Variants in GSTZ1 observed in about 807,000 individuals in gnomAD.
GSTZ1 encodes maleylacetoacetate isomerase.
GSTZ1 carries 34 observed loss-of-function variants against 35.9 expected under a neutral mutation model. The observed-to-expected ratio is 0.95, with a 90% CI of 0.72 to 1.26. The LOEUF is 1.26. GSTZ1 is among the 50% of genes most tolerant of loss of function. The pLI is 0.00. For synonymous variants in GSTZ1, 93 were observed against 101.2 expected (o/e 0.92, Z 0.49); for missense variants, 263 against 271.7 (o/e 0.97, Z 0.23).
intron 1 of GSTZ1, chr14:77,321,546 T>C: frequency 2.3e-6 from 3 of 1,277,322 alleles, no homozygotes; most frequent in African/African-American, 3.1e-5. Context: ...CATGCTCTTC[T>C]CTTGGCCCTA....
intron 2 of GSTZ1, chr14:77,325,150 G>C: frequency 1.8e-6 from 1 of 553,962 alleles, no homozygotes; most frequent in Non-Finnish European, 3.3e-6. Flanking sequence ...CCTTGGGACT[G>C]ACACTTCTCC....
intron 6 of GSTZ1, chr14:77,329,511 G>A (rs555501230): frequency 9.8e-5 from 58 of 594,518 alleles, no homozygotes; most frequent in Middle Eastern, 8.9e-4. Context: ...AGCTGTCACC[G>A]TGGCCAGTGG....
At position 77,329,739 on chromosome 14, in the gene GSTZ1, T is replaced by C; in HGVS notation, c.422-16T>C. 6.2e-7 allele frequency: 1 copy of C among 1,609,212 alleles called. No homozygotes were observed. The highest frequency in any genetic ancestry group is 8.5e-7 in the Non-Finnish European group (1 of 1,175,558). ...CCCTGCGCCCAGAATAAGATGTTTA[T>C]GTGGCCTCCCCACAGCCCTGGAGCA... is the stretch of plus-strand genomic sequence containing the variant. On this transcript the variant is annotated splice_polypyrimidine_tract_variant and intron_variant, in intron 6 of 8. Coordinates refer to ENST00000216465, the MANE Select transcript of GSTZ1 (RefSeq NM_145870.3).
chr14:77,324,335 CAG>C, intron 1 of GSTZ1: 1 of 487,906 alleles, frequency 2.0e-6, no homozygotes, highest in Non-Finnish European at 3.8e-6. Context: ...TCAGTAGAGA[CAG>C]GGTTTCACCA....
rs1381846321 is a variant in GSTZ1, at chr14:77,321,232, A to AC, written c.15+52dup. 2.6e-6 allele frequency: 4 copies of AC among 1,533,366 alleles called. No homozygotes were observed. In the South Asian group the frequency reaches 3.6e-5, roughly 14 times the overall value. The allele number at this position is 1,533,366 out of a possible 1,614,324, so 95.0% of individuals were successfully genotyped here. On this transcript the variant is annotated intron_variant, in intron 1 of 8. Transcript: ENST00000216465. Reference sequence around the variant, plus strand: ...AGGGAAGCTGGTTAGACACCTGGAGACCCTGGGGGGCGGGGTCAGAAGTGA... The same window carrying AC: ...AGGGAAGCTGGTTAGACACCTGGAGACCCCTGGGGGGCGGGGTCAGAAGTGA...
rs1291519948 is a variant in GSTZ1, at chr14:77,321,201, G to C, written c.15+18G>C. The C allele has an allele frequency of 1.3e-6, 2 of 1,493,782 alleles. No individual in the cohort carries two copies. Among genetic ancestry groups the C allele is most frequent in the Non-Finnish European group, 1.8e-6 (2 of 1,113,800 alleles). 92.5% of individuals were successfully genotyped at this position (1,493,782 alleles called of 1,614,324 possible). A position where few individuals can be genotyped will look rare whatever the true frequency, so the allele number is the denominator to read the frequency against. On this transcript the variant is annotated intron_variant, in intron 1 of 8. Transcript: ENST00000216465. The stretch of plus-strand genomic sequence containing the variant: ...CGGGGAAGGTCTGTGACGCGCACCC[G>C]GGTGGAGGGAAGCTGGTTAGACACC...
chr14:77,328,973 T>G, intron 5 of GSTZ1, 150 bp from the exon 6 acceptor site: 3 of 672,124 alleles, frequency 4.5e-6, no homozygotes, highest in Non-Finnish European at 5.4e-6. Context: ...GGGCCCTTGG[T>G]TGAAGGAAGG....
In GSTZ1 at chr14:77,330,336, G is replaced by A. The variant is rs1185335690; in HGVS notation, c.501G>A (p.Val167=). 3.7e-6 allele frequency: 6 copies of A among 1,613,686 alleles called. No homozygotes were observed. The Admixed American group carries it at 8.3e-5, about 22-fold the overall frequency. ...TGACCATGGCTGATCTGTGCTTGGT[G>A]CCTCAGGTGGCAAATGCTGAAAGGT... ...DEVTMADLCL[V]PQVANAERFK... is the part of the protein sequence containing the mutation. Residue 167 remains valine (V), a synonymous_variant, in exon 8 of 9, where the codon GTG becomes GTA. Coordinates refer to ENST00000216465, the MANE Select transcript of GSTZ1 (RefSeq NM_145870.3).
In GSTZ1 at chr14:77,323,176, A is replaced by C. The variant is rs140895321; in HGVS notation, c.16-1694A>C. On this transcript the variant is annotated intron_variant, in intron 1 of 8. Coordinates refer to ENST00000216465, the MANE Select transcript of GSTZ1 (RefSeq NM_145870.3). ...AACAAAAATGAGAAAAGTGGGCCAGATATGGGCCATGGCAGACCTGAGAGC... is the reference window on the plus strand; with the variant it reads ...AACAAAAATGAGAAAAGTGGGCCAGCTATGGGCCATGGCAGACCTGAGAGC... 9.1e-4 allele frequency: 139 copies of C among 152,308 alleles called. 1 individual carries two copies. Among genetic ancestry groups the C allele is most frequent in the Middle Eastern group, 3.4e-3 (1 of 294 alleles). The allele number at this position is 152,308 out of a possible 1,614,324, so 9.4% of individuals were successfully genotyped here.
intron 6 of GSTZ1, chr14:77,329,523 A>G: frequency 6.7e-6 from 4 of 596,220 alleles, no homozygotes; most frequent in Non-Finnish European, 9.0e-6. Flanking sequence ...GGCCAGTGGC[A>G]GGGCTTGTCC....
rs1332292204 is a variant in GSTZ1 at position 77,329,731 on chromosome 14, GATGTTT to G, written c.422-19_422-14del. On this transcript the variant is annotated intron_variant, in intron 6 of 8. Transcript: ENST00000216465. The stretch of plus-strand genomic sequence containing the variant: ...TGTCCCCTCCCTGCGCCCAGAATAA[GATGTTT>G]ATGTGGCCTCCCCACAGCCCTGGAG... 2 of 1,602,548 alleles carry G rather than the reference GATGTTT, an allele frequency of 1.2e-6. No homozygotes were observed. The highest frequency in any genetic ancestry group is 2.2e-5 in the South Asian group (2 of 90,862).
Position 77,327,728 on chromosome 14 carries a change from A to G in GSTZ1, c.216+176A>G. 5.5e-6 allele frequency: 4 copies of G among 725,532 alleles called. 1 individual carries two copies. The highest frequency in any genetic ancestry group is 3.5e-5 in the South Asian group (2 of 57,042). The allele number at this position is 725,532 out of a possible 1,614,324, so 44.9% of individuals were successfully genotyped here. A position where few individuals can be genotyped will look rare whatever the true frequency, so the allele number is the denominator to read the frequency against. ...GGAAAATAAGGGAAGATTCAAGCAC[A>G]TGGAGAACCAAGTTCTGCATGATAA... On this transcript the variant is annotated intron_variant, in intron 4 of 8. Coordinates refer to ENST00000216465, the MANE Select transcript of GSTZ1 (RefSeq NM_145870.3).
At chr14:77,327,383 T>C in intron 3 of GSTZ1, 89 bp from the exon 4 acceptor site, 2 of 758,474 alleles carry the variant, frequency 2.6e-6, no homozygotes, top group Non-Finnish European at 4.7e-6. Flanking sequence ...TGGGGGTGGG[T>C]GGCAGGCCTG....
chr14:77,324,592 T>C, intron 1 of GSTZ1: 1 of 1,534,476 alleles, frequency 6.5e-7, no homozygotes. Flanking sequence ...AGGCTGAGGG[T>C]CACCACGATA....
intron 7 of GSTZ1, 199 bp downstream of exon 7, chr14:77,330,006 G>A (rs868264924): frequency 4.8e-5 from 31 of 646,558 alleles, no homozygotes; most frequent in East Asian, 1.9e-4. Flanking sequence ...AGGATGAGGC[G>A]GGCCAGCATC....
chr14:77,328,232 C>T (rs926165164), intron 5 of GSTZ1, 195 bp downstream of exon 5: 2 of 608,162 alleles, frequency 3.3e-6, no homozygotes, highest in Non-Finnish European at 5.7e-6. Context: ...GGGTCCCCCG[C>T]TGCGTTCCGA....
intron 4 of GSTZ1, 110 bp downstream of exon 4, chr14:77,327,662 G>A: frequency 1.2e-6 from 1 of 815,354 alleles, no homozygotes; most frequent in Non-Finnish European, 2.1e-6. Flanking sequence ...ACATAGGAGA[G>A]GCTCAATACA....
At chr14:77,321,388 G>T (rs993591827) in intron 1 of GSTZ1, 132 of 1,529,240 alleles carry the variant, frequency 8.6e-5, no homozygotes, top group Non-Finnish European at 1.1e-4. Flanking sequence ...CAGAGGAGGC[G>T]GTCCTGGTAG....
chr14:77,329,735 T>G lies in GSTZ1; in HGVS notation c.422-20T>G. 6.2e-7 allele frequency: 1 copy of G among 1,606,644 alleles called. No individual in the cohort carries two copies. The highest frequency in any genetic ancestry group is 8.5e-7 in the Non-Finnish European group (1 of 1,173,264). Reference sequence around the variant, plus strand: ...CCCTCCCTGCGCCCAGAATAAGATGTTTATGTGGCCTCCCCACAGCCCTGG... The same window carrying G: ...CCCTCCCTGCGCCCAGAATAAGATGGTTATGTGGCCTCCCCACAGCCCTGG... On this transcript the variant is annotated intron_variant, in intron 6 of 8. Coordinates refer to ENST00000216465, the MANE Select transcript of GSTZ1 (RefSeq NM_145870.3).
Sources: allele counts gnomAD v4.1 joint callset, GRCh38; gene constraint gnomAD v4.1.1; transcripts MANE v1.5; gene names NCBI Gene and HGNC (gene_info 2026-07-23, HGNC 2026-07-21).